PTPN9: variants seen among roughly 807,000 people sequenced by gnomAD.
PTPN9 encodes protein tyrosine phosphatase non-receptor type 9.
A neutral mutation model predicts 69.8 loss-of-function variants in PTPN9; 26 were observed. That is an observed-to-expected ratio of 0.37 (90% confidence interval 0.27 to 0.52). The LOEUF (loss-of-function observed/expected upper bound fraction) is 0.52, where lower values mean the gene tolerates loss of function less well. Among genes scored for constraint, PTPN9 ranks in the 20% least tolerant of loss-of-function variants. The pLI, the probability that PTPN9 is intolerant of heterozygous loss-of-function variation, is 0.91. For synonymous variants in PTPN9, 274 were observed against 272.5 expected (o/e 1.01, Z -0.05); for missense variants, 549 against 740.3 (o/e 0.74, Z 3.00).
At chr15:75,578,057 G>C (rs1399287159) in intron 1 of PTPN9, among the ~76,000 whole-genome samples, 1 of 152,206 alleles carries the variant, frequency 6.6e-6, no homozygotes, top group Non-Finnish European at 1.5e-5. Flanking sequence ...GCTTCAGAAA[G>C]ATGGAGACAG....
At chr15:75,525,341 G>A (rs923349989) in intron 2 of PTPN9, among the ~76,000 whole-genome samples, 2 of 151,464 alleles carry the variant, frequency 1.3e-5, no homozygotes, top group South Asian at 2.1e-4. Context: ...TTACAGGCAC[G>A]TGCCACCATG....
At chr15:75,477,589 C>T (rs1462956150) in intron 9 of PTPN9, among the ~76,000 whole-genome samples, 2 of 151,974 alleles carry the variant, frequency 1.3e-5, no homozygotes, top group Non-Finnish European at 2.9e-5. Flanking sequence ...AGCGAAACTC[C>T]ATCTCAAAAC....
At chr15:75,506,058 A>T (rs1254808099) in intron 6 of PTPN9, 55 bp from the exon 7 acceptor site, 1 of 1,339,486 alleles carries the variant, frequency 7.5e-7, no homozygotes, top group Non-Finnish European at 1.0e-6. Context: ...AGGCATATAG[A>T]GTGACAAAGA....
At chr15:75,485,217 T>G (rs2074667171) in intron 8 of PTPN9, among the ~76,000 whole-genome samples, 1 of 151,966 alleles carries the variant, frequency 6.6e-6, no homozygotes, top group Admixed American at 6.6e-5. Context: ...ACCTGGCACA[T>G]GCAAATGGTA....
intron 9 of PTPN9, 53 bp downstream of exon 9, chr15:75,479,795 G>A: frequency 1.4e-6 from 2 of 1,423,012 alleles, no homozygotes; most frequent in South Asian, 1.3e-5. Flanking sequence ...TTTGGCACAA[G>A]GAATCATAAG....
intron 5 of PTPN9, chr15:75,512,873 C>A (rs1056415705): frequency 6.5e-5 from 20 of 307,378 alleles, no homozygotes; most frequent in Admixed American, 1.1e-4. Context: ...AATACCCCAA[C>A]TATGTATTCT....
At chr15:75,515,314 C>G (rs1277053015) in intron 5 of PTPN9, among the ~76,000 whole-genome samples, 3 of 150,518 alleles carry the variant, frequency 2.0e-5, no homozygotes, top group African/African-American at 7.4e-5. Flanking sequence ...GTAGTCCCAA[C>G]TACTCTGGAG....
At chr15:75,484,935 A>G (rs1365546653) in intron 8 of PTPN9, among the ~76,000 whole-genome samples, 1 of 152,188 alleles carries the variant, frequency 6.6e-6, no homozygotes, top group Non-Finnish European at 1.5e-5. Flanking sequence ...CAGTCTACCA[A>G]TTTATCACTC....
At chr15:75,514,997 A>C (rs1006326823) in intron 5 of PTPN9, among the ~76,000 whole-genome samples, 1 of 152,176 alleles carries the variant, frequency 6.6e-6, no homozygotes, top group African/African-American at 2.4e-5. Context: ...TTATAAAGTT[A>C]AATCTTCACA....
intron 8 of PTPN9, among the ~76,000 whole-genome samples, chr15:75,488,152 G>A (rs2074689085): frequency 2.0e-5 from 3 of 152,032 alleles, no homozygotes; most frequent in African/African-American, 4.8e-5. Flanking sequence ...ATGGTGGCAT[G>A]CACCTGTAAT....
intron 8 of PTPN9, among the ~76,000 whole-genome samples, chr15:75,485,082 C>CA: frequency 6.6e-6 from 1 of 152,244 alleles, no homozygotes; most frequent in East Asian, 1.9e-4. Context: ...TACCCTGACT[C>CA]AGACAACTTC....
intron 10 of PTPN9, among the ~76,000 whole-genome samples, chr15:75,471,614 A>AG: frequency 6.6e-6 from 1 of 150,744 alleles, no homozygotes; most frequent in Non-Finnish European, 1.5e-5. Context: ...AAAAAGAAAA[A>AG]AAAAAAAAAA....
At position 75,527,305 on chromosome 15, in the gene PTPN9, T is replaced by C. The variant is rs369433612; in HGVS notation, c.64-44A>G. 5.9e-5 allele frequency: 94 copies of C among 1,601,546 alleles called. No homozygotes were observed. The African/African-American group carries it at 1.1e-3, about 19-fold the overall frequency. ...AAGAATAATTAGTAAGAAGAGAGCA[T>C]ATTTATGGAGTCAAAAAACAAACAA... On this transcript the variant is annotated intron_variant, in intron 1 of 12. Coordinates refer to ENST00000618819, the MANE Select transcript of PTPN9 (RefSeq NM_002833.4).
At chr15:75,568,559 A>G (rs1225588331) in intron 1 of PTPN9, among the ~76,000 whole-genome samples, 1 of 144,496 alleles carries the variant, frequency 6.9e-6, no homozygotes, top group Non-Finnish European at 1.5e-5. Context: ...TGCTGGATGG[A>G]CACAGTGGCT....
At chr15:75,573,465 G>A (rs1055265369) in intron 1 of PTPN9, among the ~76,000 whole-genome samples, 7 of 152,274 alleles carry the variant, frequency 4.6e-5, no homozygotes, top group Admixed American at 2.6e-4. Flanking sequence ...ATTTGTATCC[G>A]TTCAACACAT....
chr15:75,539,458 C>T (rs914000259), intron 1 of PTPN9, among the ~76,000 whole-genome samples: 2 of 150,948 alleles, frequency 1.3e-5, no homozygotes, highest in African/African-American at 2.4e-5. Context: ...GGATTACAGG[C>T]GTACCTGCCT....
intron 1 of PTPN9, among the ~76,000 whole-genome samples, chr15:75,534,753 A>T (rs537780054): frequency 4.0e-4 from 60 of 150,092 alleles, no homozygotes; most frequent in African/African-American, 1.3e-3. Flanking sequence ...CAGGTGGATC[A>T]CCTGAGGTCA....
At chr15:75,469,125 G>C (rs1334968980) in intron 12 of PTPN9, 142 bp from the exon 13 acceptor site, 4 of 710,398 alleles carry the variant, frequency 5.6e-6, no homozygotes, top group East Asian at 5.5e-5. Context: ...AGGCCTGAAA[G>C]GACTCAAGAA....
chr15:75,483,614 G>T (rs1027482857), intron 8 of PTPN9, among the ~76,000 whole-genome samples: 11 of 152,160 alleles, frequency 7.2e-5, no homozygotes, highest in Non-Finnish European at 1.5e-4. Context: ...ATGTTCTAAA[G>T]TTGTTTGTGG....
Sources: allele counts gnomAD v4.1 joint callset (sites outside exome capture counted in the v4.1 genomes callset), GRCh38; gene constraint gnomAD v4.1.1; transcripts MANE v1.5; gene names NCBI Gene and HGNC (gene_info 2026-07-23, HGNC 2026-07-21).